SGCZ: variants seen among roughly 807,000 people sequenced by gnomAD.
SGCZ encodes zeta-sarcoglycan.
In SGCZ, 40 loss-of-function variants were observed where a neutral mutation model predicts 41.3. That is an observed-to-expected ratio of 0.97 (90% CI 0.75 to 1.26). SGCZ has a LOEUF of 1.26. Ranked by LOEUF, SGCZ falls within the 50% of genes most tolerant of loss-of-function variation. SGCZ has a pLI of 0.00. For missense variants in SGCZ, 552 were observed against 369.8 expected, an observed-to-expected ratio of 1.49 and a Z score of -4.04; for synonymous variants, 206 against 137.5, an observed-to-expected ratio of 1.50 and a Z score of -3.49.
intron 1 of SGCZ, among the ~76,000 whole-genome samples, chr8:14,569,313 A>AT (rs1333815891): frequency 1.5e-4 from 23 of 152,228 alleles, no homozygotes; most frequent in African/African-American, 5.3e-4. Context: ...TAGCTCCATT[A>AT]TTTTTTATTT....
At chr8:14,194,025 T>A (rs567789468) in intron 4 of SGCZ, among the ~76,000 whole-genome samples, 1 of 151,566 alleles carries the variant, frequency 6.6e-6, no homozygotes, top group Non-Finnish European at 1.5e-5. Context: ...GGGACAATAG[T>A]TTTTTTTAAA....
chr8:15,224,336 T>C (rs1228340712), intron 1 of SGCZ, among the ~76,000 whole-genome samples: 1 of 152,192 alleles, frequency 6.6e-6, no homozygotes, highest in Non-Finnish European at 1.5e-5. Flanking sequence ...GGGATTAACA[T>C]CTGGTTTCTC....
chr8:15,143,070 AG>A (rs1281048795), intron 1 of SGCZ, among the ~76,000 whole-genome samples: 43 of 152,358 alleles, frequency 2.8e-4, no homozygotes, highest in African/African-American at 1.0e-3. Flanking sequence ...GCAGTTGCTA[AG>A]GAACCAAATT....
intron 7 of SGCZ, among the ~76,000 whole-genome samples, chr8:14,099,916 T>G (rs557511363): frequency 6.6e-6 from 1 of 152,134 alleles, no homozygotes; most frequent in Non-Finnish European, 1.5e-5. Flanking sequence ...AGTGCAGAAT[T>G]TCACATACAA....
intron 2 of SGCZ, among the ~76,000 whole-genome samples, chr8:14,479,494 A>T (rs1286519678): frequency 6.6e-6 from 1 of 152,128 alleles, no homozygotes; most frequent in Non-Finnish European, 1.5e-5. Flanking sequence ...TCACAGACAC[A>T]TCTGGGAATA....
chr8:14,556,079 T>C (rs1298743215), intron 1 of SGCZ, among the ~76,000 whole-genome samples: 3 of 151,904 alleles, frequency 2.0e-5, no homozygotes, highest in South Asian at 2.1e-4. Context: ...TTTACTGTCT[T>C]ATACAACTTA....
At chr8:14,474,259 A>G (rs1486752040) in intron 2 of SGCZ, among the ~76,000 whole-genome samples, 1 of 152,222 alleles carries the variant, frequency 6.6e-6, no homozygotes, top group Non-Finnish European at 1.5e-5. Context: ...TTTGATTTGC[A>G]TTATCATACC....
chr8:14,812,940 G>A (rs1801779170), intron 1 of SGCZ, among the ~76,000 whole-genome samples: 1 of 152,100 alleles, frequency 6.6e-6, no homozygotes, highest in Non-Finnish European at 1.5e-5. Context: ...TAATATGCCA[G>A]ACTTATATAA....
intron 1 of SGCZ, among the ~76,000 whole-genome samples, chr8:15,001,547 G>C (rs939194465): frequency 2.6e-5 from 4 of 152,034 alleles, no homozygotes; most frequent in Middle Eastern, 3.2e-3. Context: ...GGCTAACACA[G>C]TGAAACCCCA....
chr8:14,387,704 A>T (rs1804624810), intron 2 of SGCZ, among the ~76,000 whole-genome samples: 1 of 152,006 alleles, frequency 6.6e-6, no homozygotes, highest in Non-Finnish European at 1.5e-5. Context: ...GGAGCACAAA[A>T]AGTACATTAA....
At chr8:14,318,520 T>G (rs887936418) in intron 3 of SGCZ, among the ~76,000 whole-genome samples, 2 of 151,828 alleles carry the variant, frequency 1.3e-5, no homozygotes, top group African/African-American at 4.8e-5. Flanking sequence ...CAAGCCCAGA[T>G]AAACTAATGT....
In SGCZ at chr8:14,551,597, T is replaced by TACA. The variant is rs1563405023; in HGVS notation, c.234+3134_234+3135insTGT. ...ATATATATAATATATATAATATATA[T>TACA]TATATATATTATATATATACATAAA... On this transcript the variant is annotated intron_variant, in intron 2 of 7. Coordinates refer to ENST00000382080, the MANE Select transcript of SGCZ (RefSeq NM_139167.4). 1.6e-4 allele frequency among the ~76,000 whole-genome samples: 6 copies of TACA among 36,482 alleles called. 1 individual carries two copies. The highest frequency in any genetic ancestry group is 7.5e-4 in the African/African-American group (5 of 6,686). 23.9% of individuals were successfully genotyped at this position (36,482 alleles called of 152,430 possible).
intron 1 of SGCZ, among the ~76,000 whole-genome samples, chr8:14,839,637 T>G (rs1053783974): frequency 6.6e-6 from 1 of 152,176 alleles, no homozygotes; most frequent in Non-Finnish European, 1.5e-5. Flanking sequence ...ACGCTCTTCC[T>G]CCCTGATATA....
At chr8:14,955,689 T>C (rs191157841) in intron 1 of SGCZ, among the ~76,000 whole-genome samples, 15 of 152,330 alleles carry the variant, frequency 9.8e-5, no homozygotes, top group Admixed American at 9.2e-4. Context: ...TTTTCACTTT[T>C]ACTACTTTTC....
chr8:14,240,349 A>G (rs903787761), intron 3 of SGCZ, among the ~76,000 whole-genome samples: 2 of 105,702 alleles, frequency 1.9e-5, no homozygotes, highest in Non-Finnish European at 4.2e-5. Flanking sequence ...AAAAAAAAAA[A>G]AAAAAAGAAC....
chr8:14,611,566 T>G (rs1805931137), intron 1 of SGCZ, among the ~76,000 whole-genome samples: 1 of 152,172 alleles, frequency 6.6e-6, no homozygotes, highest in Admixed American at 6.5e-5. Flanking sequence ...TTAGAGTGAT[T>G]TATTTTGTCC....
chr8:14,257,446 T>A (rs1799505849), intron 3 of SGCZ, among the ~76,000 whole-genome samples: 1 of 151,616 alleles, frequency 6.6e-6, no homozygotes, highest in Non-Finnish European at 1.5e-5. Flanking sequence ...CATTCTTTCT[T>A]TTTTTTTAAT....
intron 2 of SGCZ, among the ~76,000 whole-genome samples, chr8:14,505,509 A>G (rs114371352): frequency 0.016 from 2,448 of 152,256 alleles, 60 homozygotes; most frequent in African/African-American, 0.056. Flanking sequence ...TAAGAGCAAA[A>G]CATATATTCA....
chr8:14,613,893 CA>C (rs887037561), intron 1 of SGCZ, among the ~76,000 whole-genome samples: 8 of 150,838 alleles, frequency 5.3e-5, no homozygotes, highest in South Asian at 2.1e-4. Flanking sequence ...GTAAAAAGTA[CA>C]AAAAAAAATC....
Sources: gnomAD v4.1 joint callset for allele counts (sites outside exome capture counted in the v4.1 genomes callset) on GRCh38, gnomAD v4.1.1 for gene constraint, MANE v1.5 for transcripts, NCBI Gene and HGNC (gene_info 2026-07-23, HGNC 2026-07-21) for gene names.